The following GRM7 variants were observed in gnomAD, a reference collection of about 807,000 sequenced individuals.
The protein encoded by GRM7 is metabotropic glutamate receptor 7.
Under a neutral mutation model 84.5 loss-of-function variants are expected in GRM7, and 35 were observed. The observed-to-expected ratio is 0.41, with a 90% CI of 0.32 to 0.55. The LOEUF is 0.55. Ranked by LOEUF, GRM7 falls within the 20% of genes least tolerant of loss-of-function variation. GRM7 has a pLI of 0.19. For synonymous variants in GRM7, 487 were observed against 455.1 expected (o/e 1.07, Z -0.89); for missense variants, 1,003 against 1,194.6 (o/e 0.84, Z 2.36).
chr3:7,308,190 C>A (rs1486723114), intron 4 of GRM7, among the ~76,000 whole-genome samples: 1 of 152,088 alleles, frequency 6.6e-6, no homozygotes. Flanking sequence ...CTGGGGAGAC[C>A]CTTTCCTCTT....
At chr3:7,550,433 CCTTCCTTT>C (rs1192149297) in intron 7 of GRM7, among the ~76,000 whole-genome samples, 11 of 143,820 alleles carry the variant, frequency 7.6e-5, no homozygotes, top group Non-Finnish European at 1.2e-4. Context: ...TCCCTCCCTC[CCTTCCTTT>C]CTTCCTTTCT....
rs71043686 is a variant in GRM7 at position 7,661,794 on chromosome 3, C to CAAAAAAAAAAAAAAAAAAA, written c.2452-18247_2452-18229dup. Among the ~76,000 whole-genome samples the CAAAAAAAAAAAAAAAAAAA allele has an allele frequency of 2.5e-3, 71 of 28,194 alleles. 7 individuals are homozygous for CAAAAAAAAAAAAAAAAAAA. The highest frequency in any genetic ancestry group is 7.7e-3 in the African/African-American group (51 of 6,632). 18.5% of individuals were successfully genotyped at this position (28,194 alleles called of 152,430 possible). A position where few individuals can be genotyped will look rare whatever the true frequency, so the allele number is the denominator to read the frequency against. The stretch of plus-strand genomic sequence containing the variant: ...GGGCCACAGAGCGAGGTCTCCGTCT[C>CAAAAAAAAAAAAAAAAAAA]AAAAAAAAAAAAAAAAAAAAAAAAA... On this transcript the variant is annotated intron_variant, in intron 8 of 9. Coordinates refer to ENST00000357716, the MANE Select transcript of GRM7 (RefSeq NM_000844.4).
chr3:7,272,388 T>C (rs886894822), intron 2 of GRM7, among the ~76,000 whole-genome samples: 22 of 152,190 alleles, frequency 1.4e-4, no homozygotes, highest in Non-Finnish European at 1.0e-4. Flanking sequence ...GTATGTGTCA[T>C]GAGTTAATAT....
chr3:7,685,854 A>C (rs945194209), intron 9 of GRM7, among the ~76,000 whole-genome samples: 16 of 151,662 alleles, frequency 1.1e-4, no homozygotes, highest in African/African-American at 3.9e-4. Flanking sequence ...CCAAAACTCT[A>C]CACAAATAAT....
intron 2 of GRM7, among the ~76,000 whole-genome samples, chr3:7,240,864 T>A (rs1187030234): frequency 6.6e-6 from 1 of 152,198 alleles, no homozygotes; most frequent in Non-Finnish European, 1.5e-5. Context: ...TACTGTACAT[T>A]TTCTATGTTT....
chr3:7,193,053 T>G (rs963461647), intron 2 of GRM7, among the ~76,000 whole-genome samples: 1 of 152,132 alleles, frequency 6.6e-6, no homozygotes, highest in Non-Finnish European at 1.5e-5. Flanking sequence ...TCGTTTGTTT[T>G]GGTGGGGTAA....
At chr3:7,485,285 TTTAAG>T (rs1699278955) in intron 7 of GRM7, among the ~76,000 whole-genome samples, 2 of 152,198 alleles carry the variant, frequency 1.3e-5, no homozygotes, top group Admixed American at 1.3e-4. Flanking sequence ...TATGCCTTCA[TTTAAG>T]TTAACTGTCT....
intron 2 of GRM7, among the ~76,000 whole-genome samples, chr3:7,269,670 C>T (rs1188073728): frequency 6.6e-6 from 1 of 152,208 alleles, no homozygotes; most frequent in African/African-American, 2.4e-5. Flanking sequence ...GAAGATTCTG[C>T]TCCTTCTAGT....
At chr3:7,307,970 C>A (rs978492083) in intron 4 of GRM7, among the ~76,000 whole-genome samples, 1 of 152,018 alleles carries the variant, frequency 6.6e-6, no homozygotes, top group African/African-American at 2.4e-5. Flanking sequence ...ACCATGGAGG[C>A]TTTCCTAGGG....
In GRM7 at chr3:6,927,461, GAGAGAAAGAA is replaced by G. The variant is rs1468148076; in HGVS notation, c.519+65558_519+65567del. On this transcript the variant is annotated intron_variant, in intron 1 of 9. Transcript: ENST00000357716. ...AGAAGAAAGAGAAGAAAGAAAGAGAGAGAGAAAGAAAGAAAGAAAGAAAGAAAGAAAGAAA... is the reference window on the plus strand; with the variant it reads ...AGAAGAAAGAGAAGAAAGAAAGAGAGAGAAAGAAAGAAAGAAAGAAAGAAA... Among the ~76,000 whole-genome samples, 6 of 71,794 alleles carry G rather than the reference GAGAGAAAGAA, an allele frequency of 8.4e-5. 1 individual carries two copies. The highest frequency in any genetic ancestry group is 4.6e-4 in the African/African-American group (6 of 13,050). 47.1% of individuals were successfully genotyped at this position (71,794 alleles called of 152,430 possible). A position where few individuals can be genotyped will look rare whatever the true frequency, so the allele number is the denominator to read the frequency against.
intron 1 of GRM7, among the ~76,000 whole-genome samples, chr3:6,934,330 A>G (rs1426108993): frequency 6.6e-6 from 1 of 152,078 alleles, no homozygotes; most frequent in Middle Eastern, 3.2e-3. Context: ...ACAATTTTTA[A>G]TATCGTTTCT....
At chr3:7,555,554 C>A (rs955205175) in intron 7 of GRM7, among the ~76,000 whole-genome samples, 14 of 152,120 alleles carry the variant, frequency 9.2e-5, no homozygotes, top group Non-Finnish European at 1.8e-4. Context: ...CTTCAATATT[C>A]TTTTTAGTCC....
intron 4 of GRM7, among the ~76,000 whole-genome samples, chr3:7,329,790 A>T (rs1701128327): frequency 6.6e-6 from 1 of 152,130 alleles, no homozygotes; most frequent in African/African-American, 2.4e-5. Flanking sequence ...GAGTGGGGGT[A>T]TATATGCATG....
At chr3:7,411,051 C>T (rs1009670321) in intron 4 of GRM7, among the ~76,000 whole-genome samples, 3 of 152,004 alleles carry the variant, frequency 2.0e-5, no homozygotes, top group African/African-American at 7.3e-5. Context: ...GGCTGCAATA[C>T]CCCATCTGTG....
At chr3:7,241,881 T>A (rs1377846374) in intron 2 of GRM7, among the ~76,000 whole-genome samples, 1 of 152,124 alleles carries the variant, frequency 6.6e-6, no homozygotes, top group South Asian at 2.1e-4. Context: ...CCCAGTTCTG[T>A]TATCATGCCC....
chr3:7,186,216 C>T (rs1396512222), intron 2 of GRM7, among the ~76,000 whole-genome samples: 1 of 152,224 alleles, frequency 6.6e-6, no homozygotes, highest in Non-Finnish European at 1.5e-5. Context: ...TAAGTAATCA[C>T]CCATATTTCA....
At chr3:6,884,091 G>A (rs145564785) in intron 1 of GRM7, 1 of 152,732 alleles carries the variant, frequency 6.5e-6, no homozygotes, top group East Asian at 1.9e-4. Context: ...CCATCCATTG[G>A]TAAATAGGCA....
chr3:7,595,032 G>T (rs1398403834), intron 8 of GRM7, among the ~76,000 whole-genome samples: 1 of 152,060 alleles, frequency 6.6e-6, no homozygotes, highest in Non-Finnish European at 1.5e-5. Flanking sequence ...CTATTGCAAA[G>T]AAATGATCTA....
At chr3:7,707,707 C>T (rs1701432890) in intron 9 of GRM7, among the ~76,000 whole-genome samples, 1 of 152,164 alleles carries the variant, frequency 6.6e-6, no homozygotes, top group Non-Finnish European at 1.5e-5. Flanking sequence ...GCCTCCAAAA[C>T]AGCCCCAGGA....
Sources: allele counts gnomAD v4.1 joint callset (sites outside exome capture counted in the v4.1 genomes callset), GRCh38; gene constraint gnomAD v4.1.1; transcripts MANE v1.5; gene names NCBI Gene and HGNC (gene_info 2026-07-23, HGNC 2026-07-21).